Variants in C12orf56 observed in about 807,000 individuals in gnomAD.
C12orf56 encodes the protein chromosome 12 open reading frame 56, also known as uncharacterized protein C12orf56.
In C12orf56, 71 loss-of-function variants were observed where a neutral mutation model predicts 69.9. The ratio of observed to expected loss-of-function variants is 1.02; its 90% CI spans 0.84 to 1.24. The LOEUF is 1.24. Ranked by LOEUF, C12orf56 falls within the 50% of genes most tolerant of loss-of-function variation. C12orf56 has a pLI of 0.00. For synonymous variants in C12orf56, 276 were observed against 274.1 expected (o/e 1.01, Z -0.07); for missense variants, 732 against 738.5 (o/e 0.99, Z 0.10).
chr12:64,304,719 GC>G (rs908259564), intron 5 of C12orf56, among the ~76,000 whole-genome samples: 1 of 152,176 alleles, frequency 6.6e-6, no homozygotes, highest in Non-Finnish European at 1.5e-5. Flanking sequence ...TGACGAGGTG[GC>G]CGGCTCTGGC....
At chr12:64,369,125 C>T (rs529783622) in intron 1 of C12orf56, among the ~76,000 whole-genome samples, 2 of 149,564 alleles carry the variant, frequency 1.3e-5, no homozygotes, top group South Asian at 4.2e-4. Flanking sequence ...TCAAAACCAA[C>T]CTGGGCACCA....
At chr12:64,353,762 A>G (rs964339958) in intron 1 of C12orf56, among the ~76,000 whole-genome samples, 6 of 151,274 alleles carry the variant, frequency 4.0e-5, no homozygotes, top group Non-Finnish European at 7.4e-5. Context: ...GCTCACTACA[A>G]CCTCCACCTC....
intron 3 of C12orf56, among the ~76,000 whole-genome samples, chr12:64,324,818 G>C (rs2038817467): frequency 6.6e-6 from 1 of 152,164 alleles, no homozygotes; most frequent in Non-Finnish European, 1.5e-5. Context: ...GAAGTGATGA[G>C]AGGTGATAGT....
intron 1 of C12orf56, among the ~76,000 whole-genome samples, chr12:64,363,777 C>A (rs2039428779): frequency 6.6e-6 from 1 of 152,152 alleles, no homozygotes; most frequent in South Asian, 2.1e-4. Context: ...CCTTTTGGAT[C>A]TTTTTAATAA....
intron 2 of C12orf56, among the ~76,000 whole-genome samples, chr12:64,343,972 G>A (rs974022949): frequency 2.0e-5 from 3 of 151,958 alleles, no homozygotes; most frequent in African/African-American, 7.3e-5. Flanking sequence ...TGAGTCCAGG[G>A]GCCCACTGGA....
intron 1 of C12orf56, among the ~76,000 whole-genome samples, chr12:64,354,155 AC>A (rs1477250857): frequency 1.3e-5 from 2 of 152,248 alleles, no homozygotes; most frequent in East Asian, 3.8e-4. Flanking sequence ...CTTCTCTCCA[AC>A]GTGCTCTGTT....
chr12:64,338,585 A>T (rs1277054808), intron 2 of C12orf56: 1 of 1,566,564 alleles, frequency 6.4e-7, no homozygotes, highest in Admixed American at 1.7e-5. Flanking sequence ...GGACATCTGA[A>T]TTTTCTTCTG....
intron 8 of C12orf56, 38 bp from the exon 9 acceptor site, chr12:64,277,841 G>C: frequency 7.0e-7 from 1 of 1,437,874 alleles, no homozygotes; most frequent in Non-Finnish European, 9.2e-7. Context: ...AGTGAGCAAA[G>C]TGTTGAGAGG....
chr12:64,371,903 C>CTTTT (rs750455670), intron 1 of C12orf56, among the ~76,000 whole-genome samples: 8 of 121,862 alleles, frequency 6.6e-5, no homozygotes, highest in South Asian at 2.4e-4. Context: ...GCAATGATTT[C>CTTTT]TTTTTTTTTT....
chr12:64,383,306 CAA>C (rs138264809), intron 1 of C12orf56, among the ~76,000 whole-genome samples: 17 of 138,082 alleles, frequency 1.2e-4, no homozygotes, highest in South Asian at 2.3e-4. Context: ...AACAAAGTCT[CAA>C]AAAAAAAAAA....
At chr12:64,327,858 T>C (rs1397212717) in intron 3 of C12orf56, among the ~76,000 whole-genome samples, 2 of 152,230 alleles carry the variant, frequency 1.3e-5, no homozygotes, top group Non-Finnish European at 2.9e-5. Flanking sequence ...ATGAACTCCT[T>C]AACCTTGAAC....
chr12:64,334,168 T>C (rs886695826), intron 2 of C12orf56, among the ~76,000 whole-genome samples: 1 of 152,218 alleles, frequency 6.6e-6, no homozygotes, highest in African/African-American at 2.4e-5. Context: ...CTGCTTTCTC[T>C]ATTGCAAGGG....
intron 1 of C12orf56, among the ~76,000 whole-genome samples, chr12:64,367,369 T>C (rs1394440587): frequency 6.9e-6 from 1 of 144,918 alleles, no homozygotes; most frequent in African/African-American, 2.5e-5. Context: ...TTATATATAG[T>C]TTAGTTTATA....
At chr12:64,371,078 C>T (rs2039564224) in intron 1 of C12orf56, among the ~76,000 whole-genome samples, 1 of 152,080 alleles carries the variant, frequency 6.6e-6, no homozygotes, top group South Asian at 2.1e-4. Flanking sequence ...CACATGAATG[C>T]CAAAAATACA....
Position 64,367,342 on chromosome 12 carries a change from T to TA in C12orf56, c.253-14287dup, listed in dbSNP as rs1245269179. On this transcript the variant is annotated intron_variant, in intron 1 of 12. Transcript: ENST00000543942. ...TAGCTTATATAATATACAGTTTATA[T>TA]ATTATATTATATTATATTATATATA... Among the ~76,000 whole-genome samples the TA allele has an allele frequency of 1.9e-4, 18 of 97,044 alleles. 2 individuals are homozygous for TA. Among genetic ancestry groups the TA allele is most frequent in the South Asian group, 1.5e-3 (5 of 3,306 alleles). The allele number at this position is 97,044 out of a possible 152,430, so 63.7% of individuals were successfully genotyped here. A position where few individuals can be genotyped will look rare whatever the true frequency, so the allele number is the denominator to read the frequency against.
chr12:64,302,645 T>C (rs1565745710), intron 6 of C12orf56, among the ~76,000 whole-genome samples: 1 of 152,034 alleles, frequency 6.6e-6, no homozygotes, highest in African/African-American at 2.4e-5. Context: ...AGCACCACCA[T>C]TAGCACCACA....
At chr12:64,346,321 C>T (rs1163320951) in intron 2 of C12orf56, among the ~76,000 whole-genome samples, 1 of 152,152 alleles carries the variant, frequency 6.6e-6, no homozygotes, top group East Asian at 1.9e-4. Flanking sequence ...TCTCTTTTCA[C>T]ATTTTTCTGC....
chr12:64,352,099 G>GTTTTT (rs55762803), intron 2 of C12orf56, among the ~76,000 whole-genome samples: 2 of 148,682 alleles, frequency 1.3e-5, no homozygotes, highest in African/African-American at 5.1e-5. Context: ...TTTTGTTTTT[G>GTTTTT]TTTTTTTTTT....
intron 9 of C12orf56, among the ~76,000 whole-genome samples, chr12:64,276,532 ACTCT>A (rs2038053102): frequency 6.6e-6 from 1 of 151,876 alleles, no homozygotes. Flanking sequence ...GGTATTGGAG[ACTCT>A]CTATATACAG....
Sources: gnomAD v4.1 joint callset for allele counts (sites outside exome capture counted in the v4.1 genomes callset) on GRCh38, gnomAD v4.1.1 for gene constraint, MANE v1.5 for transcripts, NCBI Gene and HGNC (gene_info 2026-07-23, HGNC 2026-07-21) for gene names.